BICD1: variants seen among roughly 807,000 people sequenced by gnomAD.
BICD1 encodes the protein protein bicaudal D homolog 1.
Under a neutral mutation model 92.5 loss-of-function variants are expected in BICD1, and 35 were observed. The ratio of observed to expected loss-of-function variants is 0.38; its 90% CI spans 0.29 to 0.50. The LOEUF (loss-of-function observed/expected upper bound fraction) is 0.50, where lower values mean the gene tolerates loss of function less well. Ranked by LOEUF, BICD1 falls within the 20% of genes least tolerant of loss-of-function variation. The pLI, the probability that BICD1 is intolerant of heterozygous loss-of-function variation, is 0.93. For synonymous variants in BICD1, 429 were observed against 465.1 expected (o/e 0.92, Z 1.00); for missense variants, 950 against 1,189.8 (o/e 0.80, Z 2.97).
At chr12:32,254,775 A>G (rs1946672241) in intron 2 of BICD1, among the ~76,000 whole-genome samples, 1 of 152,234 alleles carries the variant, frequency 6.6e-6, no homozygotes, top group Non-Finnish European at 1.5e-5. Context: ...GCAATTAGAA[A>G]TGAGCAATGA....
At position 32,305,978 on chromosome 12, in the gene BICD1, T is replaced by C. The variant is rs758094891; in HGVS notation, c.861T>C (p.Gly287=). The change falls in exon 4 of 10, where the codon GGT becomes GGC. Residue 287 remains glycine, a synonymous_variant. Transcript: ENST00000652176. ...SEPNNDDKMN[G]HIHGPLVKLN... ...CAAACAATGATGACAAAATGAACGG[T>C]CATATCCATGGGCCTCTTGTGAAAC... is the stretch of plus-strand genomic sequence containing the variant. 1 of 1,614,130 alleles carries C rather than the reference T, an allele frequency of 6.2e-7. No homozygotes were observed. The highest frequency in any genetic ancestry group is 1.3e-5 in the African/African-American group (1 of 75,024).
chr12:32,287,345 C>T (rs185948924), intron 2 of BICD1, among the ~76,000 whole-genome samples: 89 of 151,916 alleles, frequency 5.9e-4, no homozygotes, highest in East Asian at 2.3e-3. Flanking sequence ...GTTATCATTG[C>T]TTTGAAATTA....
rs1328072045 is a variant in BICD1, at chr12:32,107,483, A to G, written c.152A>G (p.Gln51Arg). 13 of 1,609,538 alleles carry G rather than the reference A, an allele frequency of 8.1e-6. No homozygotes were observed. The highest frequency in any genetic ancestry group is 1.1e-5 in the Non-Finnish European group (13 of 1,178,254). Residue 51 changes from glutamine (Q) to arginine (R), a missense_variant, in exon 1 of 10, where the codon CAG becomes CGG. Transcript: ENST00000652176. ...VLEEKLTLKQ[Q>R]YDELEAEYDS... ...GAGGAGAAGCTGACCCTCAAACAGC[A>G]GTATGATGAACTGGAGGCTGAGTAC...
intron 2 of BICD1, among the ~76,000 whole-genome samples, chr12:32,242,761 C>G (rs1254146467): frequency 6.6e-6 from 1 of 152,160 alleles, no homozygotes; most frequent in Non-Finnish European, 1.5e-5. Context: ...TTTAAATCTA[C>G]TGATCGTTTC....
chr12:32,304,977 A>G (rs1240529079), intron 3 of BICD1, among the ~76,000 whole-genome samples: 2 of 152,204 alleles, frequency 1.3e-5, no homozygotes, highest in Non-Finnish European at 2.9e-5. Context: ...AGCCATGATC[A>G]TACCATTGCA....
At chr12:32,233,816 C>G (rs984567330) in intron 2 of BICD1, among the ~76,000 whole-genome samples, 29 of 152,046 alleles carry the variant, frequency 1.9e-4, no homozygotes, top group Admixed American at 3.9e-4. Context: ...CTTTTTTTTA[C>G]GTCTTGACCT....
At position 32,328,435 on chromosome 12, in the gene BICD1, C is replaced by T. The variant is rs34447944; in HGVS notation, c.1980C>T (p.Ala660=). ...SRQRAAAREL[A]PMIDKDKEAL... Reference sequence around the variant, plus strand: ...AAAGAGCAGCGGCTCGGGAGCTAGCCCCCATGATTGATAAAGACAAGGAAG... The same window carrying T: ...AAAGAGCAGCGGCTCGGGAGCTAGCTCCCATGATTGATAAAGACAAGGAAG... The change falls in exon 5 of 10, where the codon GCC becomes GCT. Residue 660 remains alanine (A), a synonymous_variant. Coordinates refer to ENST00000652176, the MANE Select transcript of BICD1 (RefSeq NM_001714.4). The surrounding 1 kb of genome is among the most constrained non-coding windows in gnomAD (Gnocchi z 4.4). 0.08 allele frequency: 129,425 copies of T among 1,614,082 alleles called. 5,950 individuals are homozygous for T. The highest frequency in any genetic ancestry group is 0.13 in the South Asian group (11,420 of 91,070).
At chr12:32,373,301 GA>G (rs778098879) in intron 9 of BICD1, among the ~76,000 whole-genome samples, 5 of 152,064 alleles carry the variant, frequency 3.3e-5, no homozygotes, top group African/African-American at 4.8e-5. Flanking sequence ...TTATATCCAA[GA>G]AATAGTATCT....
At chr12:32,156,346 G>A (rs965940423) in intron 1 of BICD1, among the ~76,000 whole-genome samples, 4 of 152,160 alleles carry the variant, frequency 2.6e-5, no homozygotes, top group African/African-American at 7.2e-5. Flanking sequence ...TTGTCAGGGA[G>A]GACACAATGC....
At chr12:32,250,380 G>T (rs1946495081) in intron 2 of BICD1, among the ~76,000 whole-genome samples, 1 of 152,084 alleles carries the variant, frequency 6.6e-6, no homozygotes, top group African/African-American at 2.4e-5. Context: ...ATGGTGCCTG[G>T]GATACATACT....
At chr12:32,159,487 A>G (rs1160553846) in intron 1 of BICD1, among the ~76,000 whole-genome samples, 3 of 152,164 alleles carry the variant, frequency 2.0e-5, no homozygotes, top group African/African-American at 7.2e-5. Flanking sequence ...GCATCACTAT[A>G]ATAGCATGGT....
chr12:32,192,159 C>T (rs667847), intron 1 of BICD1, among the ~76,000 whole-genome samples: 35 of 152,180 alleles, frequency 2.3e-4, no homozygotes, highest in Admixed American at 4.6e-4. Context: ...AGGCCAGGTG[C>T]GGTGGCTCAC....
At chr12:32,155,561 A>G (rs1368336242) in intron 1 of BICD1, among the ~76,000 whole-genome samples, 2 of 152,234 alleles carry the variant, frequency 1.3e-5, no homozygotes, top group African/African-American at 2.4e-5. Flanking sequence ...ACAAAATGCT[A>G]CAGAGAAAGG....
chr12:32,107,465 A>C lies in BICD1; in HGVS notation c.134A>C (p.Lys45Thr). 6.2e-7 allele frequency: 1 copy of C among 1,610,932 alleles called. No individual in the cohort carries two copies. Among genetic ancestry groups the C allele is most frequent in the Non-Finnish European group, 8.5e-7 (1 of 1,178,826 alleles). The change falls in exon 1 of 10, where the codon AAG becomes ACG. Residue 45 changes from lysine to threonine, a missense_variant. Physicochemically the swap from Lys to Thr is moderately conservative, Grantham distance 78 (BLOSUM62 -1). Around this residue, in one of 5 missense-constraint regions of BICD1, gnomAD observed 202 missense variants for 205.3 expected, o/e 0.98. Transcript: ENST00000652176. The part of the protein sequence containing the change: ...AEYGLVVLEE[K>T]LTLKQQYDEL... ...TACGGGCTGGTGGTGCTGGAGGAGA[A>C]GCTGACCCTCAAACAGCAGTATGAT...
At chr12:32,245,307 C>T (rs1009628915) in intron 2 of BICD1, among the ~76,000 whole-genome samples, 1 of 148,320 alleles carries the variant, frequency 6.7e-6, no homozygotes, top group Non-Finnish European at 1.5e-5. Context: ...AGTGCAGTGG[C>T]GCGATCTCAG....
intron 2 of BICD1, among the ~76,000 whole-genome samples, chr12:32,244,140 A>G (rs1429786125): frequency 6.7e-6 from 1 of 149,572 alleles, no homozygotes; most frequent in Non-Finnish European, 1.5e-5. Context: ...AAATATGGAA[A>G]ACAATTATTT....
At chr12:32,310,073 G>C (rs1948334120) in intron 4 of BICD1, among the ~76,000 whole-genome samples, 1 of 152,160 alleles carries the variant, frequency 6.6e-6, no homozygotes, top group South Asian at 2.1e-4. Context: ...CACAGGCAAG[G>C]CTGTAACTCC....
At chr12:32,364,123 T>C (rs921132895) in intron 8 of BICD1, among the ~76,000 whole-genome samples, 3 of 152,160 alleles carry the variant, frequency 2.0e-5, no homozygotes, top group African/African-American at 7.2e-5. Context: ...TTCACCTTTT[T>C]CCCCCTGCTG....
Position 32,328,255 on chromosome 12 carries a change from C to T in BICD1, c.1800C>T (p.Ile600=). ...CAAGTCCAACTAAGACCCCCACAAT[C>T]TCTCCTGTTATTACTGCCCCACCGT... ...KEPSPTKTPT[I]SPVITAPPSS... Residue 600 remains isoleucine, a synonymous_variant, in exon 5 of 10, where the codon ATC becomes ATT. Transcript: ENST00000652176. The surrounding 1 kb of genome is among the most constrained non-coding windows in gnomAD (Gnocchi z 4.4). 1 of 1,614,176 alleles carries T rather than the reference C, an allele frequency of 6.2e-7. No individual in the cohort carries two copies. Among genetic ancestry groups the T allele is most frequent in the Non-Finnish European group, 8.5e-7 (1 of 1,180,030 alleles).
Sources: gnomAD v4.1 joint callset for allele counts (sites outside exome capture counted in the v4.1 genomes callset) on GRCh38, gnomAD v4.1.1 for gene constraint, gnomAD v4.1.1 regional missense constraint, Gnocchi (gnomAD v3.1) non-coding constraint, MANE v1.5 for transcripts, NCBI Gene and HGNC (gene_info 2026-07-23, HGNC 2026-07-21) for gene names.